Variants in CASK observed in about 807,000 individuals in gnomAD.
CASK encodes calcium/calmodulin dependent serine protein kinase, also known as peripheral plasma membrane protein CASK.
CASK carries 4 observed loss-of-function variants against 82.9 expected under a neutral mutation model. The ratio of observed to expected loss-of-function variants is 0.05; its 90% CI spans 0.02 to 0.11. CASK has a LOEUF of 0.11. CASK is among the 10% of genes least tolerant of loss of function. The probability of loss-of-function intolerance (pLI) is 1.00; values close to 1 mark genes in which losing one functional copy is unlikely to be tolerated. For missense variants in CASK, 358 were observed against 720.9 expected (o/e 0.50, Z 5.76); for synonymous variants, 259 against 253.5 (o/e 1.02, Z -0.20).
At position 41,802,822 on chromosome X, in the gene CASK, G is replaced by T. The variant is rs138580131; in HGVS notation, c.173-15539C>A. ...ATGTCACACACAGCTGGTTAAGTGTGATATGAACCTAAGTAGTCTCGTTGC... is the reference window on the plus strand; with the variant it reads ...ATGTCACACACAGCTGGTTAAGTGTTATATGAACCTAAGTAGTCTCGTTGC... On this transcript the variant is annotated intron_variant, in intron 2 of 26. Coordinates refer to ENST00000378163, the MANE Select transcript of CASK (RefSeq NM_001367721.1). 8.3e-3 allele frequency among the ~76,000 whole-genome samples: 930 copies of T among 111,461 alleles called. 10 individuals are homozygous for T. The highest frequency in any genetic ancestry group is 0.029 in the African/African-American group (892 of 30,642).
chrX:41,739,497 T>C (rs1472369330), intron 4 of CASK, 41 bp from the exon 5 acceptor site: 1 of 903,519 alleles, frequency 1.1e-6, no homozygotes, highest in Non-Finnish European at 1.6e-6. Flanking sequence ...TAAACAATTT[T>C]TATTTTAAAA....
At chrX:41,694,086 C>A (rs2147574000) in intron 5 of CASK, among the ~76,000 whole-genome samples, 1 of 111,975 alleles carries the variant, frequency 8.9e-6, no homozygotes, top group Admixed American at 9.5e-5. Context: ...GTCTTATTCA[C>A]CTTCCTTTCC....
intron 2 of CASK, among the ~76,000 whole-genome samples, chrX:41,843,414 A>ATTGT (rs2071086618): frequency 9.0e-6 from 1 of 111,522 alleles, no homozygotes; most frequent in Non-Finnish European, 1.9e-5. Context: ...TGCTGAGATG[A>ATTGT]TCATGTGGAC....
chrX:41,734,884 A>T (rs2068471877), intron 5 of CASK, among the ~76,000 whole-genome samples: 1 of 111,804 alleles, frequency 8.9e-6, no homozygotes, highest in South Asian at 3.7e-4. Flanking sequence ...AAAGGATTAT[A>T]TGATTGCTTT....
At chrX:41,653,608 G>A (rs2066894186) in intron 8 of CASK, among the ~76,000 whole-genome samples, 1 of 111,872 alleles carries the variant, frequency 8.9e-6, no homozygotes, top group African/African-American at 3.3e-5. Flanking sequence ...ATACAGGGAT[G>A]ACAGTACCTC....
intron 2 of CASK, among the ~76,000 whole-genome samples, chrX:41,811,446 G>T (rs1481544243): frequency 1.8e-5 from 2 of 112,018 alleles, no homozygotes; most frequent in African/African-American, 6.5e-5. Context: ...ACTCAAAACC[G>T]CTCAACTACA....
intron 5 of CASK, chrX:41,728,832 G>GA (rs1258168658): frequency 1.6e-5 from 2 of 123,382 alleles, no homozygotes; most frequent in South Asian, 3.7e-4. Context: ...ATAATACAGT[G>GA]AAAAAAATCC....
intron 8 of CASK, among the ~76,000 whole-genome samples, chrX:41,644,839 G>C (rs1383597692): frequency 3.6e-5 from 4 of 111,543 alleles, no homozygotes; most frequent in Admixed American, 2.9e-4. Context: ...GTCTCCTATA[G>C]GCTCTTAGGC....
At chrX:41,598,759 C>A (rs750355073) in intron 12 of CASK, among the ~76,000 whole-genome samples, 50 of 111,909 alleles carry the variant, frequency 4.5e-4, no homozygotes, top group Non-Finnish European at 7.7e-4. Context: ...ATCACTCAGG[C>A]CATTTTTCTT....
chrX:41,882,375 A>G (rs1049414954), intron 1 of CASK, among the ~76,000 whole-genome samples: 6 of 111,833 alleles, frequency 5.4e-5, no homozygotes, highest in Non-Finnish European at 1.1e-4. Context: ...ATTAAGTTAA[A>G]CAGCATAAAG....
chrX:41,620,522 T>C (rs1013628443), intron 11 of CASK, among the ~76,000 whole-genome samples: 3 of 111,631 alleles, frequency 2.7e-5, no homozygotes, highest in Non-Finnish European at 3.8e-5. Context: ...AGCCCCTCCT[T>C]GCAAGCACAA....
At chrX:41,749,060 G>A (rs1359458153) in intron 3 of CASK, among the ~76,000 whole-genome samples, 2 of 111,047 alleles carry the variant, frequency 1.8e-5, no homozygotes, top group Non-Finnish European at 3.8e-5. Context: ...CGAGGCGGGC[G>A]GATAGCTTGA....
chrX:41,681,690 A>G (rs1041711298), intron 5 of CASK, among the ~76,000 whole-genome samples: 1 of 111,642 alleles, frequency 9.0e-6, no homozygotes, highest in Non-Finnish European at 1.9e-5. Context: ...AAGTCATGAC[A>G]TTACAAGAAA....
chrX:41,701,437 CAACA>C (rs2067791160), intron 5 of CASK, among the ~76,000 whole-genome samples: 1 of 112,326 alleles, frequency 8.9e-6, no homozygotes, highest in African/African-American at 3.2e-5. Flanking sequence ...TTTCAGCCAC[CAACA>C]AACAAACTTC....
At chrX:41,573,819 G>A (rs902775871) in intron 15 of CASK, among the ~76,000 whole-genome samples, 5 of 111,595 alleles carry the variant, frequency 4.5e-5, no homozygotes, top group African/African-American at 1.3e-4. Flanking sequence ...TCAGTTACTC[G>A]GACATAGTTT....
intron 9 of CASK, among the ~76,000 whole-genome samples, chrX:41,635,346 AG>A (rs1332421413): frequency 2.7e-5 from 3 of 111,742 alleles, no homozygotes; most frequent in Non-Finnish European, 5.6e-5. Flanking sequence ...CACTAATTTC[AG>A]GGGTTGAAAA....
chrX:41,822,911 C>T (rs770451516), intron 2 of CASK, among the ~76,000 whole-genome samples: 17 of 109,857 alleles, frequency 1.5e-4, no homozygotes, highest in African/African-American at 5.3e-4. Context: ...ATACTTCTCA[C>T]TCTAGCACAA....
intron 3 of CASK, among the ~76,000 whole-genome samples, chrX:41,751,032 G>C (rs2068779102): frequency 8.9e-6 from 1 of 112,203 alleles, no homozygotes; most frequent in Admixed American, 9.5e-5. Context: ...TTTTTTCTGA[G>C]GATGACAAAA....
At chrX:41,704,368 G>T (rs949875451) in intron 5 of CASK, among the ~76,000 whole-genome samples, 2 of 111,949 alleles carry the variant, frequency 1.8e-5, no homozygotes, top group East Asian at 5.5e-4. Context: ...TAGAGGAGTC[G>T]AAATCAGGTG....
Sources: allele counts gnomAD v4.1 joint callset (sites outside exome capture counted in the v4.1 genomes callset), GRCh38; gene constraint gnomAD v4.1.1; transcripts MANE v1.5; gene names NCBI Gene and HGNC (gene_info 2026-07-23, HGNC 2026-07-21).